BPTF: variants seen among roughly 807,000 people sequenced by gnomAD.
BPTF encodes bromodomain PHD finger transcription factor.
A neutral mutation model predicts 292.5 loss-of-function variants in BPTF; 18 were observed. That is an observed-to-expected ratio of 0.06 (90% CI 0.04 to 0.09). The LOEUF (loss-of-function observed/expected upper bound fraction) is 0.09. Ranked by LOEUF, BPTF falls within the 10% of genes least tolerant of loss-of-function variation. The pLI is 1.00. For synonymous variants in BPTF, 1,225 were observed against 1,251.9 expected (o/e 0.98, Z 0.45); for missense variants, 2,726 against 3,498.7 (o/e 0.78, Z 5.57).
In BPTF at chr17:67,903,853, C is replaced by T. The variant is rs747392396; in HGVS notation, c.2608C>T (p.Gln870Ter). 6.3e-7 allele frequency: 1 copy of T among 1,591,140 alleles called. No homozygotes were observed. Among genetic ancestry groups the T allele is most frequent in the Non-Finnish European group, 8.5e-7 (1 of 1,172,280 alleles). ...GAAAGTCAAAAAAAAAGAGAAGAAACAGGAAGAAGAAGAAACGATGCAGCA... is the reference window on the plus strand; with the variant it reads ...GAAAGTCAAAAAAAAAGAGAAGAAATAGGAAGAAGAAGAAACGATGCAGCA... ...KEKVKKKEKK[Q>*]EEEETMQQAT... is the part of the protein sequence containing the mutation. The change falls in exon 8 of 28, where the codon CAG becomes TAG. Residue 870 changes from glutamine (Q) to a stop codon, truncating the protein, a stop_gained. Coordinates refer to ENST00000306378, the MANE Select transcript of BPTF (RefSeq NM_182641.4). LOFTEE classifies it high-confidence loss of function.
chr17:67,859,363 C>T (rs866431143), intron 2 of BPTF, among the ~76,000 whole-genome samples: 2 of 152,262 alleles, frequency 1.3e-5, no homozygotes, highest in Non-Finnish European at 1.5e-5. Context: ...CCAGGCTGGT[C>T]TCAAACTCCT....
chr17:67,955,440 T>G (rs1324075403), intron 23 of BPTF: 2 of 25,098 alleles, frequency 8.0e-5, no homozygotes, highest in African/African-American at 8.7e-5. Context: ...TCCTTGAAAT[T>G]TTGGCAGGGG....
intron 1 of BPTF, among the ~76,000 whole-genome samples, chr17:67,837,091 T>C (rs2057188451): frequency 6.6e-6 from 1 of 152,200 alleles, no homozygotes; most frequent in Non-Finnish European, 1.5e-5. Context: ...ATTTACATGC[T>C]CAGGTTAGGA....
At position 67,881,870 on chromosome 17, in the gene BPTF, T is replaced by G. The variant is rs1434988892; in HGVS notation, c.1864+6850T>G. ...ATTTTGGGTTTTTGTTTTTTTTTTT[T>G]TTTTTTTTTTTTTTGAGACAGGGTC... On this transcript the variant is annotated intron_variant, in intron 4 of 27. Coordinates refer to ENST00000306378, the MANE Select transcript of BPTF (RefSeq NM_182641.4). Among the ~76,000 whole-genome samples, 14 of 140,800 alleles carry G rather than the reference T, an allele frequency of 9.9e-5. No individual in the cohort carries two copies. In the South Asian group the frequency reaches 1.4e-3, roughly 14 times the overall value. 92.4% of individuals were successfully genotyped at this position (140,800 alleles called of 152,430 possible).
At position 67,866,736 on chromosome 17, in the gene BPTF, C is replaced by T. The variant is rs192576463; in HGVS notation, c.1660+49C>T. 551 of 1,485,860 alleles carry T rather than the reference C, an allele frequency of 3.7e-4. No homozygotes were observed. In the African/African-American group the frequency reaches 5.8e-3, roughly 16 times the overall value. The allele number at this position is 1,485,860 out of a possible 1,614,324, so 92.0% of individuals were successfully genotyped here. ...TATTTTTGTTAAGTCTGAGCTAAAC[C>T]GTTGGTATGAAATCACTGCAAAATT... On this transcript the variant is annotated intron_variant, in intron 3 of 27. Transcript: ENST00000306378.
At chr17:67,830,652 C>T (rs997738846) in intron 1 of BPTF, among the ~76,000 whole-genome samples, 4 of 151,710 alleles carry the variant, frequency 2.6e-5, no homozygotes, top group Non-Finnish European at 4.4e-5. Flanking sequence ...GGAGCGGGAG[C>T]GGGAGGGAGC....
At chr17:67,868,629 T>G (rs769181170) in intron 3 of BPTF, among the ~76,000 whole-genome samples, 1 of 152,246 alleles carries the variant, frequency 6.6e-6, no homozygotes, top group Non-Finnish European at 1.5e-5. Context: ...ATTCTGAAAG[T>G]ACACTTTTAA....
chr17:67,828,094 G>T (rs1437802575), intron 1 of BPTF, among the ~76,000 whole-genome samples: 2 of 151,942 alleles, frequency 1.3e-5, no homozygotes, highest in Non-Finnish European at 2.9e-5. Context: ...AGCACACCCG[G>T]CTAATTTTTG....
intron 13 of BPTF, among the ~76,000 whole-genome samples, chr17:67,920,381 T>C (rs2063350008): frequency 6.6e-6 from 1 of 152,182 alleles, no homozygotes. Context: ...CCTCTTGTAA[T>C]TAAGATGTGA....
At chr17:67,844,521 A>G (rs907723809) in intron 1 of BPTF, among the ~76,000 whole-genome samples, 1 of 151,270 alleles carries the variant, frequency 6.6e-6, no homozygotes, top group Non-Finnish European at 1.5e-5. Flanking sequence ...TGCTGGGATT[A>G]CAGGCGTGAG....
intron 2 of BPTF, among the ~76,000 whole-genome samples, chr17:67,862,505 T>C (rs777864369): frequency 6.6e-6 from 1 of 152,176 alleles, no homozygotes; most frequent in African/African-American, 2.4e-5. Context: ...ATCACACAAC[T>C]ACAAAGTGGT....
At chr17:67,849,630 G>A (rs2144788174) in intron 1 of BPTF, among the ~76,000 whole-genome samples, 1 of 152,018 alleles carries the variant, frequency 6.6e-6, no homozygotes, top group South Asian at 2.1e-4. Context: ...AGCACAACCT[G>A]GGAATTGTTA....
Position 67,826,000 on chromosome 17 carries a change from G to A in BPTF, c.276G>A (p.Arg92=). The part of the protein sequence containing the change: ...PAPPSTSAPG[R]GGRGGGGGRT... ...CCCCCAGCACCAGCGCCCCGGGCCG[G>A]GGGGGGCGAGGAGGCGGGGGCGGCA... Residue 92 remains arginine (R), a synonymous_variant, in exon 1 of 28, where the codon CGG becomes CGA. Transcript: ENST00000306378. The A allele has an allele frequency of 8.7e-7, 1 of 1,152,608 alleles. No individual in the cohort carries two copies. The highest frequency in any genetic ancestry group is 3.6e-4 in the Middle Eastern group (1 of 2,800). 71.4% of individuals were successfully genotyped at this position (1,152,608 alleles called of 1,614,324 possible).
intron 7 of BPTF, among the ~76,000 whole-genome samples, chr17:67,897,244 G>C (rs897875801): frequency 1.3e-5 from 2 of 150,464 alleles, no homozygotes; most frequent in African/African-American, 4.9e-5. Flanking sequence ...GGGAGGCTGA[G>C]GCATGAGAAT....
At chr17:67,947,624 T>C (rs1555676104) in intron 21 of BPTF, 102 bp from the exon 22 acceptor site, 1 of 898,458 alleles carries the variant, frequency 1.1e-6, no homozygotes, top group African/African-American at 1.7e-5. Context: ...TTACAGTTTC[T>C]TTAAAAAAAC....
intron 7 of BPTF, among the ~76,000 whole-genome samples, chr17:67,896,343 G>A (rs533606248): frequency 1.1e-4 from 16 of 152,212 alleles, no homozygotes; most frequent in Admixed American, 2.6e-4. Context: ...AACAAGTGTC[G>A]AGATTGAATC....
intron 1 of BPTF, among the ~76,000 whole-genome samples, chr17:67,842,938 A>T (rs1318404349): frequency 6.6e-6 from 1 of 151,708 alleles, no homozygotes; most frequent in Non-Finnish European, 1.5e-5. Flanking sequence ...AAATACTAGA[A>T]CTTCAGAGAT....
intron 4 of BPTF, among the ~76,000 whole-genome samples, chr17:67,883,721 C>T (rs2060570185): frequency 6.6e-6 from 1 of 152,176 alleles, no homozygotes; most frequent in Non-Finnish European, 1.5e-5. Flanking sequence ...CTGCCTCAGC[C>T]TCCCAGGTAG....
Position 67,959,533 on chromosome 17 carries a change from G to C in BPTF, c.7927-8G>C, listed in dbSNP as rs2067268703. 6.6e-7 allele frequency: 1 copy of C among 1,510,190 alleles called. No homozygotes were observed. Among genetic ancestry groups the C allele is most frequent in the Non-Finnish European group, 8.8e-7 (1 of 1,132,252 alleles). The allele number at this position is 1,510,190 out of a possible 1,614,324, so 93.5% of individuals were successfully genotyped here. On this transcript the variant is annotated splice_polypyrimidine_tract_variant and splice_region_variant and intron_variant, in intron 23 of 27. Coordinates refer to ENST00000306378, the MANE Select transcript of BPTF (RefSeq NM_182641.4). ...TGATAGTCTTGTATTGTCTTTAATT[G>C]ATAACAGGAAGAGCTGAAGAGAGAC...
Sources: gnomAD v4.1 joint callset for allele counts (sites outside exome capture counted in the v4.1 genomes callset) on GRCh38, gnomAD v4.1.1 for gene constraint, MANE v1.5 for transcripts, NCBI Gene and HGNC (gene_info 2026-07-23, HGNC 2026-07-21) for gene names.